Variants in INTS2 observed in about 807,000 individuals in gnomAD.
The protein encoded by INTS2 is KIAA1287.
In INTS2, 57 loss-of-function variants were observed where a neutral mutation model predicts 139.6. The observed-to-expected ratio is 0.41, with a 90% CI of 0.33 to 0.51. INTS2 has a LOEUF of 0.51. Among genes scored for constraint, INTS2 ranks in the 20% least tolerant of loss-of-function variants. The pLI is 0.28. For synonymous variants in INTS2, 473 were observed against 493.4 expected, an observed-to-expected ratio of 0.96 and a Z score of 0.55; for missense variants, 1,196 against 1,436.7, an observed-to-expected ratio of 0.83 and a Z score of 2.71.
intron 8 of INTS2, among the ~76,000 whole-genome samples, chr17:61,905,468 A>G (rs759428611): frequency 6.6e-6 from 1 of 152,186 alleles, no homozygotes; most frequent in Non-Finnish European, 1.5e-5. Context: ...CTGGGACTAC[A>G]GGCACACGCC....
At chr17:61,881,880 A>G (rs1400934264) in intron 16 of INTS2, among the ~76,000 whole-genome samples, 1 of 152,210 alleles carries the variant, frequency 6.6e-6, no homozygotes, top group East Asian at 1.9e-4. Flanking sequence ...CACCCCACCC[A>G]ACATAACAGT....
chr17:61,923,000 C>T (rs997564026), intron 3 of INTS2, among the ~76,000 whole-genome samples: 1 of 151,352 alleles, frequency 6.6e-6, no homozygotes, highest in Admixed American at 6.6e-5. Context: ...TCGCTTTAAC[C>T]CAGGAGGCAA....
Position 61,882,339 on chromosome 17 carries a change from C to T in INTS2, c.2090-1168G>A, listed in dbSNP as rs558238797. Among the ~76,000 whole-genome samples the T allele has an allele frequency of 7.8e-4, 119 of 152,170 alleles. No homozygotes were observed. The highest frequency in any genetic ancestry group is 2.2e-3 in the Admixed American group (34 of 15,272). Reference sequence around the variant, plus strand: ...TGGTTCAAGAAGTATTAAAGAAGACCAAAAGAAATGGGAAAACTTGTTACC... The same window carrying T: ...TGGTTCAAGAAGTATTAAAGAAGACTAAAAGAAATGGGAAAACTTGTTACC... On this transcript the variant is annotated intron_variant, in intron 16 of 24. Transcript: ENST00000251334. This position sits in a 1 kb window ranked among gnomAD's most constrained non-coding sequence, Gnocchi z 4.7.
Position 61,869,610 on chromosome 17 carries a change from C to T in INTS2, c.3030+127G>A, listed in dbSNP as rs1279772783. The stretch of plus-strand genomic sequence containing the variant: ...ACAACTAAAAATCTGGATTTTTCTC[C>T]ATATTGCAAAAGCCCATGGATCATT... On this transcript the variant is annotated intron_variant, in intron 21 of 24. Coordinates refer to ENST00000251334, the MANE Select transcript of INTS2 (RefSeq NM_001351695.2). This position sits in a 1 kb window ranked among gnomAD's most constrained non-coding sequence, Gnocchi z 5.4. 5 of 1,172,718 alleles carry T rather than the reference C, an allele frequency of 4.3e-6. No homozygotes were observed. Among genetic ancestry groups the T allele is most frequent in the Non-Finnish European group, 6.0e-6 (5 of 834,464 alleles). The allele number at this position is 1,172,718 out of a possible 1,614,324, so 72.6% of individuals were successfully genotyped here. A position where few individuals can be genotyped will look rare whatever the true frequency, so the allele number is the denominator to read the frequency against.
chr17:61,876,533 G>A lies in INTS2; in HGVS notation c.2456+1354C>T, dbSNP rs1307599806. On this transcript the variant is annotated intron_variant, in intron 18 of 24. Coordinates refer to ENST00000251334, the MANE Select transcript of INTS2 (RefSeq NM_001351695.2). The surrounding 1 kb of genome is among the most constrained non-coding windows in gnomAD (Gnocchi z 4.1). ...ACCTCACTGAAGCCTCCATCTCCTGGGCTCAAGCGATCGTCCTGCCTCAGC... is the reference window on the plus strand; with the variant it reads ...ACCTCACTGAAGCCTCCATCTCCTGAGCTCAAGCGATCGTCCTGCCTCAGC... Among the ~76,000 whole-genome samples, 5 of 151,918 alleles carry A rather than the reference G, an allele frequency of 3.3e-5. No individual in the cohort carries two copies. The highest frequency in any genetic ancestry group is 7.4e-5 in the Non-Finnish European group (5 of 67,968).
At chr17:61,923,403 G>A (rs1258519806) in intron 3 of INTS2, among the ~76,000 whole-genome samples, 4 of 149,712 alleles carry the variant, frequency 2.7e-5, no homozygotes, top group African/African-American at 7.4e-5. Context: ...TGTGAACCCG[G>A]GAGGCGGAGC....
rs766118812 is a variant in INTS2, at chr17:61,878,103, T to C, written c.2255-15A>G. Reference sequence around the variant, plus strand: ...AGCTGAAAATGCTAAAAAGAAAATTTAGCAATCATAACCTAAATTCTGTAC... The same window carrying C: ...AGCTGAAAATGCTAAAAAGAAAATTCAGCAATCATAACCTAAATTCTGTAC... On this transcript the variant is annotated splice_polypyrimidine_tract_variant and intron_variant, in intron 17 of 24. Coordinates refer to ENST00000251334, the MANE Select transcript of INTS2 (RefSeq NM_001351695.2). The C allele has an allele frequency of 6.5e-7, 1 of 1,529,458 alleles. No individual in the cohort carries two copies. The highest frequency in any genetic ancestry group is 9.1e-7 in the Non-Finnish European group (1 of 1,103,062). 94.7% of individuals were successfully genotyped at this position (1,529,458 alleles called of 1,614,324 possible).
In INTS2 at chr17:61,867,504, G is replaced by T; in HGVS notation, c.*53C>A. On this transcript the variant is annotated 3_prime_UTR_variant, in exon 25 of 25. Coordinates refer to ENST00000251334, the MANE Select transcript of INTS2 (RefSeq NM_001351695.2). This position sits in a 1 kb window ranked among gnomAD's most constrained non-coding sequence, Gnocchi z 5.6. Reference sequence around the variant, plus strand: ...AGTTTAGAGTTGTTACTAATATGCAGATTCATGTTGGGTATATGCAGCAAA... The same window carrying T: ...AGTTTAGAGTTGTTACTAATATGCATATTCATGTTGGGTATATGCAGCAAA... 1 of 1,120,844 alleles carries T rather than the reference G, an allele frequency of 8.9e-7. No homozygotes were observed. Among genetic ancestry groups the T allele is most frequent in the Non-Finnish European group, 1.3e-6 (1 of 769,578 alleles). 69.4% of individuals were successfully genotyped at this position (1,120,844 alleles called of 1,614,324 possible). A position where few individuals can be genotyped will look rare whatever the true frequency, so the allele number is the denominator to read the frequency against.
At chr17:61,922,870 G>A (rs897209807) in intron 3 of INTS2, among the ~76,000 whole-genome samples, 1 of 151,938 alleles carries the variant, frequency 6.6e-6, no homozygotes, top group African/African-American at 2.4e-5. Flanking sequence ...CTGAGGTCAG[G>A]AGTTCGAGAC....
intron 3 of INTS2, among the ~76,000 whole-genome samples, chr17:61,922,543 T>TAC (rs2079656909): frequency 8.0e-6 from 1 of 125,678 alleles, no homozygotes; most frequent in African/African-American, 2.9e-5. Flanking sequence ...TATATATATA[T>TAC]ATACGTGTTC....
chr17:61,923,162 T>A (rs186387084), intron 3 of INTS2, among the ~76,000 whole-genome samples: 77 of 151,472 alleles, frequency 5.1e-4, no homozygotes, highest in African/African-American at 1.5e-3. Context: ...TTTAGAAAAA[T>A]TTTTTAACAT....
intron 11 of INTS2, among the ~76,000 whole-genome samples, chr17:61,896,291 T>C (rs1430507588): frequency 1.4e-5 from 2 of 141,302 alleles, no homozygotes; most frequent in African/African-American, 5.3e-5. Context: ...AAAATAATAA[T>C]GATAATAATT....
chr17:61,876,421 G>A lies in INTS2; in HGVS notation c.2457-1383C>T, dbSNP rs2079127191. Among the ~76,000 whole-genome samples, 1 of 151,016 alleles carries A rather than the reference G, an allele frequency of 6.6e-6. No homozygotes were observed. The highest frequency in any genetic ancestry group is 2.1e-4 in the South Asian group (1 of 4,820). ...TGTCCCAGATGGGAACATGAAGACA[G>A]AAAGCTCTGAAAGGAATGTCTCCAA... On this transcript the variant is annotated intron_variant, in intron 18 of 24. Coordinates refer to ENST00000251334, the MANE Select transcript of INTS2 (RefSeq NM_001351695.2). The surrounding 1 kb of genome is among the most constrained non-coding windows in gnomAD (Gnocchi z 4.1).
At chr17:61,905,469 G>A (rs972970323) in intron 8 of INTS2, among the ~76,000 whole-genome samples, 2 of 152,112 alleles carry the variant, frequency 1.3e-5, no homozygotes, top group African/African-American at 4.8e-5. Flanking sequence ...TGGGACTACA[G>A]GCACACGCCA....
At chr17:61,914,467 C>A (rs564767586) in intron 5 of INTS2, among the ~76,000 whole-genome samples, 86 of 151,724 alleles carry the variant, frequency 5.7e-4, no homozygotes, top group African/African-American at 2.0e-3. Flanking sequence ...TGGGAGGCCA[C>A]AGAGGGCGCA....
chr17:61,927,634 G>A lies in INTS2; in HGVS notation c.-19+20C>T, dbSNP rs1567925454. 1 of 1,342,210 alleles carries A rather than the reference G, an allele frequency of 7.5e-7. No homozygotes were observed. The highest frequency in any genetic ancestry group is 9.6e-7 in the Non-Finnish European group (1 of 1,043,858). The allele number at this position is 1,342,210 out of a possible 1,614,324, so 83.1% of individuals were successfully genotyped here. On this transcript the variant is annotated intron_variant, in intron 1 of 24. Coordinates refer to ENST00000251334, the MANE Select transcript of INTS2 (RefSeq NM_001351695.2). The stretch of plus-strand genomic sequence containing the variant: ...CGGACCTAGGAACGCGCTGAGGCCA[G>A]AGAAGCGGACGCTTCATACCTTAAG...
At chr17:61,879,508 T>TG (rs2079158682) in intron 17 of INTS2, among the ~76,000 whole-genome samples, 1 of 152,064 alleles carries the variant, frequency 6.6e-6, no homozygotes, top group South Asian at 2.1e-4. Flanking sequence ...GGAGTCTTAG[T>TG]GGGGGGTAAA....
intron 5 of INTS2, among the ~76,000 whole-genome samples, chr17:61,912,919 T>C (rs868593140): frequency 6.6e-6 from 1 of 151,734 alleles, no homozygotes; most frequent in Non-Finnish European, 1.5e-5. Flanking sequence ...CTACTAAAAA[T>C]ACAAAAATTA....
At chr17:61,879,622 A>C (rs1281982507) in intron 17 of INTS2, among the ~76,000 whole-genome samples, 1 of 152,168 alleles carries the variant, frequency 6.6e-6, no homozygotes, top group East Asian at 1.9e-4. Context: ...AGGCCAAGGC[A>C]GGCAGACTGC....
Sources: allele counts gnomAD v4.1 joint callset (sites outside exome capture counted in the v4.1 genomes callset), GRCh38; gene constraint gnomAD v4.1.1; non-coding constraint Gnocchi (gnomAD v3.1); transcripts MANE v1.5; gene names NCBI Gene and HGNC (gene_info 2026-07-23, HGNC 2026-07-21).